The following FTCDNL1 variants were observed in gnomAD, a reference collection of about 807,000 sequenced individuals.
FTCDNL1 encodes the protein formiminotransferase N-terminal subdomain-containing protein.
A neutral mutation model predicts 5.9 loss-of-function variants in FTCDNL1; 11 were observed. The ratio of observed to expected loss-of-function variants is 1.87; its 90% CI spans 1.18 to 3.10. FTCDNL1 has a LOEUF of 3.10. Among genes scored for constraint, FTCDNL1 ranks in the 30% most tolerant of loss-of-function variants. The probability of loss-of-function intolerance (pLI) is 0.00; values close to 1 mark genes in which losing one functional copy is unlikely to be tolerated. For synonymous variants in FTCDNL1, 58 were observed against 24.8 expected, an observed-to-expected ratio of 2.34 and a Z score of -3.99; for missense variants, 115 against 65.5, an observed-to-expected ratio of 1.76 and a Z score of -2.61.
At chr2:199,756,290 A>G (rs955867721), downstream of FTCDNL1, among the ~76,000 whole-genome samples, 2 of 152,192 alleles carry the variant, frequency 1.3e-5, no homozygotes, top group African/African-American at 4.8e-5. Flanking sequence ...GAATCTTCTC[A>G]ATTTATTTAT....
intron 3 of FTCDNL1, among the ~76,000 whole-genome samples, chr2:199,766,742 G>A (rs1430837403): frequency 6.6e-6 from 1 of 152,122 alleles, no homozygotes. Flanking sequence ...TGACTGCTAT[G>A]TATGCAGATA....
the FTCDNL1 span, among the ~76,000 whole-genome samples, chr2:199,671,130 A>C: frequency 6.6e-6 from 1 of 150,952 alleles, no homozygotes; most frequent in Non-Finnish European, 1.5e-5. Flanking sequence ...GGGAAGAGGA[A>C]ACCAGGAAAG....
rs1385850121 is a variant in FTCDNL1 at position 199,811,188 on chromosome 2, T to C, written c.*1517A>G. Reference sequence around the variant, plus strand: ...GTCAATACATCTCTCTCTCATCATCTCATGTCCCAATCACTTACCCTAAAT... The same window carrying C: ...GTCAATACATCTCTCTCTCATCATCCCATGTCCCAATCACTTACCCTAAAT... On this transcript the variant is annotated 3_prime_UTR_variant, in exon 5 of 5. Coordinates refer to ENST00000420128, the MANE Select transcript of FTCDNL1 (RefSeq NM_001363886.2). 6.6e-6 allele frequency among the ~76,000 whole-genome samples: 1 copy of C among 152,186 alleles called. No individual in the cohort carries two copies. Among genetic ancestry groups the C allele is most frequent in the Non-Finnish European group, 1.5e-5 (1 of 68,046 alleles).
intron 3 of FTCDNL1, among the ~76,000 whole-genome samples, chr2:199,845,638 A>C (rs988092675): frequency 3.3e-5 from 5 of 152,194 alleles, no homozygotes; most frequent in Middle Eastern, 3.4e-3. Flanking sequence ...TAAACCTTAC[A>C]ATGTCCCTAT....
the FTCDNL1 span, among the ~76,000 whole-genome samples, chr2:199,700,678 G>A: frequency 6.6e-6 from 1 of 152,108 alleles, no homozygotes; most frequent in Non-Finnish European, 1.5e-5. Context: ...AAAACAGCAT[G>A]GTATTGATAC....
At chr2:199,785,539 T>G (rs1244920125) in intron 3 of FTCDNL1, 1 of 152,184 alleles carries the variant, frequency 6.6e-6, no homozygotes, top group East Asian at 1.9e-4. Context: ...CCCAGCCAAC[T>G]CTTCCAAATT....
At chr2:199,767,902 A>G (rs1244233535) in intron 3 of FTCDNL1, among the ~76,000 whole-genome samples, 2 of 152,254 alleles carry the variant, frequency 1.3e-5, no homozygotes, top group Non-Finnish European at 2.9e-5. Context: ...GTTTTGCACA[A>G]TCTAACTTTT....
chr2:199,829,374 T>C (rs1702228498), intron 3 of FTCDNL1, among the ~76,000 whole-genome samples: 1 of 152,200 alleles, frequency 6.6e-6, no homozygotes, highest in South Asian at 2.1e-4. Flanking sequence ...TAATTTTTAG[T>C]CATTTCTAAA....
the FTCDNL1 span, among the ~76,000 whole-genome samples, chr2:199,664,264 A>C: frequency 6.6e-6 from 1 of 152,138 alleles, no homozygotes; most frequent in Non-Finnish European, 1.5e-5. Context: ...TTTTCTTCTT[A>C]ATTTTTAAAT....
the FTCDNL1 span, among the ~76,000 whole-genome samples, chr2:199,740,929 T>C: frequency 7.2e-5 from 11 of 152,286 alleles, no homozygotes; most frequent in African/African-American, 2.6e-4. Context: ...GCAAATGTTA[T>C]AGAGGGTCCA....
At chr2:199,849,308 CT>C (rs1455104524) in intron 1 of FTCDNL1, among the ~76,000 whole-genome samples, 1 of 152,150 alleles carries the variant, frequency 6.6e-6, no homozygotes, top group Non-Finnish European at 1.5e-5. Flanking sequence ...TTTTCAAGGT[CT>C]GTACTATTTT....
chr2:199,812,568 C>A lies in FTCDNL1; in HGVS notation c.*137G>T. On this transcript the variant is annotated 3_prime_UTR_variant, in exon 5 of 5. Coordinates refer to ENST00000420128, the MANE Select transcript of FTCDNL1 (RefSeq NM_001363886.2). ...CACTTTTTGCTCTAAAATTAGAAAC[C>A]TGATGTGAAAGTTTGTTTCTCAGTT... 1 of 456,630 alleles carries A rather than the reference C, an allele frequency of 2.2e-6. No homozygotes were observed. The highest frequency in any genetic ancestry group is 3.9e-6 in the Non-Finnish European group (1 of 257,506). The allele number at this position is 456,630 out of a possible 1,614,324, so 28.3% of individuals were successfully genotyped here. A position where few individuals can be genotyped will look rare whatever the true frequency, so the allele number is the denominator to read the frequency against.
the FTCDNL1 span, among the ~76,000 whole-genome samples, chr2:199,692,201 C>T: frequency 3.3e-5 from 5 of 152,078 alleles, no homozygotes; most frequent in African/African-American, 1.2e-4. Flanking sequence ...TTTAAAGCCT[C>T]AAGCCACCTT....
At chr2:199,718,882 GA>G in the FTCDNL1 span, among the ~76,000 whole-genome samples, 1 of 151,764 alleles carries the variant, frequency 6.6e-6, no homozygotes, top group Non-Finnish European at 1.5e-5. Context: ...CCTTTTTAAT[GA>G]TTTTTTTTAT....
chr2:199,743,344 C>G, the FTCDNL1 span, among the ~76,000 whole-genome samples: 1 of 152,202 alleles, frequency 6.6e-6, no homozygotes, highest in African/African-American at 2.4e-5. Context: ...TCTTTAGAAG[C>G]CCACTAGGAT....
rs138838812 is a variant in FTCDNL1 at position 199,772,879 on chromosome 2, C to T, written c.212-12044G>A. The stretch of plus-strand genomic sequence containing the variant: ...CACATTTGCCAGATCTGTAGCCACA[C>T]GCCCTGTATTAATAATTAGCTGTGT... On this transcript the variant is annotated intron_variant, in intron 3 of 3. Transcript: ENST00000416668. Among the ~76,000 whole-genome samples, 228 of 152,290 alleles carry T rather than the reference C, an allele frequency of 1.5e-3. 1 individual carries two copies. Among genetic ancestry groups the T allele is most frequent in the African/African-American group, 5.0e-3 (207 of 41,556 alleles).
At chr2:199,834,003 A>G (rs1702546838) in intron 3 of FTCDNL1, among the ~76,000 whole-genome samples, 2 of 152,228 alleles carry the variant, frequency 1.3e-5, no homozygotes, top group African/African-American at 4.8e-5. Flanking sequence ...TGCGTTCTCC[A>G]AAAATGCATA....
chr2:199,829,486 CAGTGCAATG>C (rs1702236783), intron 3 of FTCDNL1, among the ~76,000 whole-genome samples: 1 of 152,060 alleles, frequency 6.6e-6, no homozygotes, highest in African/African-American at 2.4e-5. Flanking sequence ...AGATGTTTCT[CAGTGCAATG>C]AGAAGTTTAG....
At chr2:199,830,916 G>A (rs1702331272) in intron 3 of FTCDNL1, among the ~76,000 whole-genome samples, 1 of 152,224 alleles carries the variant, frequency 6.6e-6, no homozygotes. Context: ...GCTGAAAAAT[G>A]AGATCAAGTG....
Sources: gnomAD v4.1 joint callset for allele counts (sites outside exome capture counted in the v4.1 genomes callset) on GRCh38, gnomAD v4.1.1 for gene constraint, MANE v1.5 for transcripts, NCBI Gene and HGNC (gene_info 2026-07-23, HGNC 2026-07-21) for gene names.